Variants in MAPK4 observed in about 807,000 individuals in gnomAD.
The protein encoded by MAPK4 is Erk3-related.
In MAPK4, 22 loss-of-function variants were observed where a neutral mutation model predicts 47.7. The ratio of observed to expected loss-of-function variants is 0.46; its 90% CI spans 0.33 to 0.66. The LOEUF (loss-of-function observed/expected upper bound fraction) is 0.66, where lower values mean the gene tolerates loss of function less well. Among genes scored for constraint, MAPK4 ranks in the 30% least tolerant of loss-of-function variants. The pLI, the probability that MAPK4 is intolerant of heterozygous loss-of-function variation, is 0.02. For synonymous variants in MAPK4, 390 were observed against 365.7 expected, an observed-to-expected ratio of 1.07 and a Z score of -0.76; for missense variants, 736 against 831.7, an observed-to-expected ratio of 0.88 and a Z score of 1.42.
At chr18:50,650,750 A>G (rs2043039890) in intron 1 of MAPK4, among the ~76,000 whole-genome samples, 1 of 152,152 alleles carries the variant, frequency 6.6e-6, no homozygotes, top group Non-Finnish European at 1.5e-5. Flanking sequence ...AAGGGAGAGG[A>G]TTCTGATTTG....
intron 1 of MAPK4, among the ~76,000 whole-genome samples, chr18:50,608,429 A>T (rs2042601466): frequency 1.3e-5 from 2 of 152,326 alleles, no homozygotes; most frequent in South Asian, 4.1e-4. Context: ...GTTGTTTATC[A>T]TCTGAGAGTG....
rs34978159 is a variant in MAPK4 at position 50,689,404 on chromosome 18, TAA to T, written c.546+24923_546+24924del. ...CAACAAGAGTTTTGAAACTCCATCT[TAA>T]AAAAAAAAAAAAAAAAAAAAAAGCT... On this transcript the variant is annotated intron_variant, in intron 2 of 5. Transcript: ENST00000400384. Among the ~76,000 whole-genome samples the T allele has an allele frequency of 6.3e-3, 533 of 84,850 alleles. 3 individuals carry two copies. Among genetic ancestry groups the T allele is most frequent in the African/African-American group, 0.019 (454 of 23,346 alleles). The allele number at this position is 84,850 out of a possible 152,430, so 55.7% of individuals were successfully genotyped here. A position where few individuals can be genotyped will look rare whatever the true frequency, so the allele number is the denominator to read the frequency against.
intron 1 of MAPK4, among the ~76,000 whole-genome samples, chr18:50,580,360 G>A (rs2042332755): frequency 6.6e-6 from 1 of 152,178 alleles, no homozygotes; most frequent in African/African-American, 2.4e-5. Context: ...GGCTGCCTCA[G>A]GTGAGAAGGG....
chr18:50,583,274 G>T lies in MAPK4; in HGVS notation c.-871+23031G>T, dbSNP rs144706706. Among the ~76,000 whole-genome samples the T allele has an allele frequency of 8.5e-3, 1,300 of 152,280 alleles. 20 individuals are homozygous for T. The highest frequency in any genetic ancestry group is 0.029 in the African/African-American group (1,185 of 41,526). ...TCTTTGGAAAAAGCACCATTCGATT[G>T]GTTAAAAGGCATCATTCAGAAGGAA... On this transcript the variant is annotated intron_variant, in intron 1 of 5. Transcript: ENST00000400384.
chr18:50,580,334 A>T (rs1481840914), intron 1 of MAPK4, among the ~76,000 whole-genome samples: 1 of 152,220 alleles, frequency 6.6e-6, no homozygotes, highest in African/African-American at 2.4e-5. Flanking sequence ...AATGGGCTGC[A>T]GGATTGGGAG....
intron 2 of MAPK4, among the ~76,000 whole-genome samples, chr18:50,674,348 C>T (rs190188280): frequency 8.5e-5 from 13 of 152,230 alleles, no homozygotes; most frequent in African/African-American, 2.9e-4. Flanking sequence ...AGCTTTGCTG[C>T]GGTAGCCTGT....
intron 1 of MAPK4, among the ~76,000 whole-genome samples, chr18:50,646,923 T>C (rs767840195): frequency 6.6e-6 from 1 of 152,194 alleles, no homozygotes; most frequent in Non-Finnish European, 1.5e-5. Flanking sequence ...CCCAAAGTAA[T>C]GGTCTCCTTG....
At chr18:50,626,411 G>A (rs2042778568) in intron 1 of MAPK4, among the ~76,000 whole-genome samples, 1 of 152,142 alleles carries the variant, frequency 6.6e-6, no homozygotes, top group Non-Finnish European at 1.5e-5. Context: ...GATGGCTTGG[G>A]CATCATGGCG....
intron 1 of MAPK4, among the ~76,000 whole-genome samples, chr18:50,563,516 A>C (rs1418183544): frequency 6.6e-6 from 1 of 152,092 alleles, no homozygotes; most frequent in African/African-American, 2.4e-5. Flanking sequence ...GCTGTCAAGG[A>C]CCTTTGTCTC....
intron 1 of MAPK4, among the ~76,000 whole-genome samples, chr18:50,658,950 C>T (rs2043140792): frequency 6.6e-6 from 1 of 152,194 alleles, no homozygotes; most frequent in Non-Finnish European, 1.5e-5. Context: ...GAGCAGAGGT[C>T]CACGAACTAC....
intron 1 of MAPK4, among the ~76,000 whole-genome samples, chr18:50,607,670 C>G (rs1386635603): frequency 1.3e-5 from 2 of 152,214 alleles, no homozygotes; most frequent in Non-Finnish European, 2.9e-5. Flanking sequence ...TTAGGAACCA[C>G]TCTCAGTCAT....
At chr18:50,687,550 A>C (rs543322620) in intron 2 of MAPK4, among the ~76,000 whole-genome samples, 2 of 152,342 alleles carry the variant, frequency 1.3e-5, no homozygotes, top group African/African-American at 4.8e-5. Context: ...TGTGCCACCC[A>C]GCAAGTTCCC....
intron 2 of MAPK4, among the ~76,000 whole-genome samples, chr18:50,687,874 C>T (rs978621636): frequency 6.6e-6 from 1 of 152,108 alleles, no homozygotes; most frequent in Non-Finnish European, 1.5e-5. Flanking sequence ...GGACTGGAGG[C>T]AGGGACTAAT....
intron 1 of MAPK4, among the ~76,000 whole-genome samples, chr18:50,567,804 CTATT>C (rs528723735): frequency 1.4e-4 from 21 of 147,982 alleles, no homozygotes; most frequent in Non-Finnish European, 2.4e-4. Context: ...GGTGAATTAT[CTATT>C]TGAGTGTAGT....
rs181189860 is a variant in MAPK4, at chr18:50,685,854, A to G, written c.546+21350A>G. ...ACACTCGGTACACGCAGCTCTCTGG[A>G]GCATGCTGTTTTCTCGGTGGCACTG... is the stretch of plus-strand genomic sequence containing the variant. On this transcript the variant is annotated intron_variant, in intron 2 of 5. Coordinates refer to ENST00000400384, the MANE Select transcript of MAPK4 (RefSeq NM_002747.4). Among the ~76,000 whole-genome samples, 37 of 152,064 alleles carry G rather than the reference A, an allele frequency of 2.4e-4. 2 individuals carry two copies. Among genetic ancestry groups the G allele is most frequent in the Admixed American group, 2.4e-3 (36 of 15,268 alleles).
chr18:50,636,713 C>T (rs777985169), intron 1 of MAPK4, among the ~76,000 whole-genome samples: 1 of 152,218 alleles, frequency 6.6e-6, no homozygotes, highest in Non-Finnish European at 1.5e-5. Flanking sequence ...CCTGAACTTT[C>T]CTAAAGCTGA....
Position 50,571,686 on chromosome 18 carries a change from C to T in MAPK4, c.-871+11443C>T, listed in dbSNP as rs190615344. 7.9e-4 allele frequency among the ~76,000 whole-genome samples: 121 copies of T among 152,238 alleles called. 2 individuals are homozygous for T. The Middle Eastern group carries it at 0.01, about 13-fold the overall frequency. ...TCTGTATTTCTTTTGTCAAATTTTC[C>T]ATTTATGTGGATTTGAGTTTTTTCC... On this transcript the variant is annotated intron_variant, in intron 1 of 5. Transcript: ENST00000400384.
intron 2 of MAPK4, among the ~76,000 whole-genome samples, chr18:50,690,133 G>A (rs892305836): frequency 6.6e-6 from 1 of 152,170 alleles, no homozygotes; most frequent in African/African-American, 2.4e-5. Context: ...TGGCTCTCCT[G>A]CCAGGTGGCA....
At chr18:50,658,308 G>C (rs59699754) in intron 1 of MAPK4, among the ~76,000 whole-genome samples, 21,034 of 152,076 alleles carry the variant, frequency 0.14, 1,598 homozygotes, top group East Asian at 0.2. Flanking sequence ...CTCACACTGA[G>C]CCTAGATGGT....
Sources: allele counts gnomAD v4.1 joint callset (sites outside exome capture counted in the v4.1 genomes callset), GRCh38; gene constraint gnomAD v4.1.1; transcripts MANE v1.5; gene names NCBI Gene and HGNC (gene_info 2026-07-23, HGNC 2026-07-21).